GLB1L3: variants seen among roughly 807,000 people sequenced by gnomAD.
GLB1L3 encodes beta-galactosidase-1-like protein 3.
A neutral mutation model predicts 89.5 loss-of-function variants in GLB1L3; 89 were observed. The ratio of observed to expected loss-of-function variants is 0.99; its 90% CI spans 0.84 to 1.19. GLB1L3 has a LOEUF of 1.19. Ranked by LOEUF, GLB1L3 falls within the 50% of genes most tolerant of loss-of-function variation. GLB1L3 has a pLI of 0.00. For synonymous variants in GLB1L3, 314 were observed against 312.3 expected (o/e 1.01, Z -0.06); for missense variants, 812 against 813.3 (o/e 1.00, Z 0.02).
In GLB1L3 at chr11:134,313,974, C is replaced by A. The variant is rs371287128; in HGVS notation, c.1613C>A (p.Ser538Tyr). The part of the protein sequence containing the change: ...ITGSVSINNS[S>Y]LEGFTIYSLE... ...GGATCTGTCAGCATCAATAACTCTT[C>A]CCTGGAGGGCTTTACCATCTATTCC... Residue 538 changes from serine (S) to tyrosine (Y), a missense_variant, in exon 17 of 20, where the codon TCC (serine) becomes TAC (tyrosine). By Grantham distance (144) the Ser-to-Tyr change is moderately radical. Around this residue, in one of 3 missense-constraint regions of GLB1L3, gnomAD observed 618 missense variants for 604.0 expected, o/e 1.02. Transcript: ENST00000431683. The A allele has an allele frequency of 9.0e-5, 145 of 1,612,602 alleles. 1 individual carries two copies. In the African/African-American group the frequency reaches 1.4e-3, roughly 15 times the overall value.
intron 7 of GLB1L3, among the ~76,000 whole-genome samples, chr11:134,289,727 G>A (rs981632700): frequency 6.6e-6 from 1 of 152,152 alleles, no homozygotes; most frequent in African/African-American, 2.4e-5. Context: ...GATAAACGTC[G>A]TCTCTTCTGT....
downstream of GLB1L3, chr11:134,319,653 G>A (rs1263454168): frequency 2.0e-5 from 3 of 151,834 alleles, no homozygotes; most frequent in African/African-American, 7.3e-5. Flanking sequence ...GCCAGAGAGA[G>A]TATTGCATGT....
chr11:134,296,864 AAAACAAAC>A (rs146319598), intron 9 of GLB1L3, among the ~76,000 whole-genome samples: 2 of 147,176 alleles, frequency 1.4e-5, no homozygotes, highest in African/African-American at 2.5e-5. Context: ...AATAATAATA[AAAACAAAC>A]AAACAAAAAA....
Position 134,276,782 on chromosome 11 carries a change from C to G in GLB1L3, c.23+19C>G, listed in dbSNP as rs867913990. The G allele has an allele frequency of 2.2e-5, 31 of 1,422,236 alleles. No homozygotes were observed. Among genetic ancestry groups the G allele is most frequent in the Non-Finnish European group, 2.7e-5 (29 of 1,086,918 alleles). 88.1% of individuals were successfully genotyped at this position (1,422,236 alleles called of 1,614,324 possible). On this transcript the variant is annotated intron_variant, in intron 1 of 19. Transcript: ENST00000431683. ...TCCTCAGGTGACGGATCGCCGCTGCCGTCCCGGGCTGCCCACCACCCCGGC... is the reference window on the plus strand; with the variant it reads ...TCCTCAGGTGACGGATCGCCGCTGCGGTCCCGGGCTGCCCACCACCCCGGC...
chr11:134,278,236 A>G (rs1940487087), intron 3 of GLB1L3, among the ~76,000 whole-genome samples: 1 of 152,198 alleles, frequency 6.6e-6, no homozygotes, highest in Admixed American at 6.5e-5. Context: ...GCACACTTAC[A>G]GATAAATATG....
At chr11:134,289,382 TGGA>T (rs915675111) in intron 7 of GLB1L3, among the ~76,000 whole-genome samples, 12 of 150,816 alleles carry the variant, frequency 8.0e-5, no homozygotes, top group African/African-American at 2.4e-4. Context: ...GCAGAAGAGG[TGGA>T]GGAGGTGGCA....
chr11:134,313,639 T>C (rs2136227623), intron 16 of GLB1L3, among the ~76,000 whole-genome samples, 165 bp downstream of exon 16: 1 of 152,322 alleles, frequency 6.6e-6, no homozygotes. Context: ...TGTCTTGCCT[T>C]CTCTGATCTC....
chr11:134,295,322 G>T (rs1024481110), intron 9 of GLB1L3, among the ~76,000 whole-genome samples: 3 of 152,090 alleles, frequency 2.0e-5, no homozygotes, highest in Admixed American at 1.3e-4. Flanking sequence ...TTCTTCTTGG[G>T]TGAGTTGTAG....
intron 3 of GLB1L3, among the ~76,000 whole-genome samples, chr11:134,280,904 C>G (rs1591531651): frequency 6.6e-6 from 1 of 152,308 alleles, no homozygotes; most frequent in African/African-American, 2.4e-5. Context: ...ACTCATAGCC[C>G]TATGGGGGAG....
At chr11:134,281,103 T>C (rs1358532687) in intron 3 of GLB1L3, among the ~76,000 whole-genome samples, 2 of 152,228 alleles carry the variant, frequency 1.3e-5, no homozygotes, top group Non-Finnish European at 2.9e-5. Context: ...TAATGAGTGT[T>C]ACAATAGGGC....
Position 134,281,364 on chromosome 11 carries a change from T to C in GLB1L3, c.363-13T>C. 1 of 1,613,976 alleles carries C rather than the reference T, an allele frequency of 6.2e-7. No individual in the cohort carries two copies. Among genetic ancestry groups the C allele is most frequent in the East Asian group, 2.2e-5 (1 of 44,874 alleles). On this transcript the variant is annotated splice_polypyrimidine_tract_variant and intron_variant, in intron 3 of 19. Transcript: ENST00000431683. ...AGAAGATACTCATCATACTTCCCTC[T>C]CACCTCTTCTAGCTATGTTCCGTGG...
At chr11:134,279,794 T>C (rs1158889734) in intron 3 of GLB1L3, among the ~76,000 whole-genome samples, 1 of 152,204 alleles carries the variant, frequency 6.6e-6, no homozygotes, top group Non-Finnish European at 1.5e-5. Context: ...CTTATCTATT[T>C]AGTCTTTTCA....
intron 16 of GLB1L3, 148 bp from the exon 17 acceptor site, chr11:134,313,793 C>G: frequency 1.5e-6 from 1 of 655,852 alleles, no homozygotes. Flanking sequence ...TAGAACCCTT[C>G]AGTCACAGCA....
At chr11:134,310,171 C>T in intron 11 of GLB1L3, 1 of 379,062 alleles carries the variant, frequency 2.6e-6, no homozygotes, top group Non-Finnish European at 4.8e-6. Context: ...GAAGAATTGT[C>T]TTGGGCCACA....
At position 134,277,361 on chromosome 11, in the gene GLB1L3, T is replaced by G; in HGVS notation, c.59T>G (p.Phe20Cys). Residue 20 changes from phenylalanine (F) to cysteine (C), a missense_variant, in exon 2 of 20, where the codon TTT (phenylalanine) becomes TGT (cysteine). Physicochemically the swap from Phe to Cys is radical, Grantham distance 205 (BLOSUM62 -2). This residue lies in a region of GLB1L3 where 191 missense variants were observed against 191.4 expected (regional missense o/e 1.00). Coordinates refer to ENST00000431683, the MANE Select transcript of GLB1L3 (RefSeq NM_001080407.3). Reference protein sequence around the residue: ...CLSWKRMAGIFFLPFISSGFA... With the variant: ...CLSWKRMAGICFLPFISSGFA... The stretch of plus-strand genomic sequence containing the variant: ...TCCTGGAAGAGAATGGCGGGCATCT[T>G]TTTCCTGCCATTTATCTCATCAGGT... The G allele has an allele frequency of 6.2e-7, 1 of 1,613,926 alleles. No homozygotes were observed. Among genetic ancestry groups the G allele is most frequent in the Non-Finnish European group, 8.5e-7 (1 of 1,179,850 alleles).
chr11:134,298,966 G>A (rs1941799619), intron 9 of GLB1L3, among the ~76,000 whole-genome samples: 1 of 152,108 alleles, frequency 6.6e-6, no homozygotes, highest in African/African-American at 2.4e-5. Context: ...ACTTAGTGTG[G>A]TCTCACAACT....
chr11:134,318,753 T>G lies in GLB1L3; in HGVS notation c.1896+6T>G. The G allele has an allele frequency of 6.3e-7, 1 of 1,579,080 alleles. No individual in the cohort carries two copies. The highest frequency in any genetic ancestry group is 1.1e-5 in the South Asian group (1 of 89,966). ...TTCATCCAGAAGACAATGAGGTATG[T>G]CACTCCAGTCTCTGCCTTGAGATCT... On this transcript the variant is annotated splice_donor_region_variant and intron_variant, in intron 19 of 19. Coordinates refer to ENST00000431683, the MANE Select transcript of GLB1L3 (RefSeq NM_001080407.3).
At chr11:134,302,056 G>T (rs1226638092) in intron 9 of GLB1L3, among the ~76,000 whole-genome samples, 10 of 151,884 alleles carry the variant, frequency 6.6e-5, no homozygotes, top group Non-Finnish European at 2.9e-5. Context: ...CTTCTCGCTG[G>T]CCTGCTGGCA....
At chr11:134,321,126 A>G (rs1447306400), downstream of GLB1L3, among the ~76,000 whole-genome samples, 6 of 152,230 alleles carry the variant, frequency 3.9e-5, no homozygotes, top group Non-Finnish European at 5.9e-5. Flanking sequence ...AAATAGAGCC[A>G]ATGTCTAACT....
Sources: gnomAD v4.1 joint callset for allele counts (sites outside exome capture counted in the v4.1 genomes callset) on GRCh38, gnomAD v4.1.1 for gene constraint, gnomAD v4.1.1 regional missense constraint, MANE v1.5 for transcripts, NCBI Gene and HGNC (gene_info 2026-07-23, HGNC 2026-07-21) for gene names.